GSE1: variants seen among roughly 807,000 people sequenced by gnomAD.
GSE1 encodes Gse1 coiled-coil protein, also known as genetic suppressor element 1.
Under a neutral mutation model 112.6 loss-of-function variants are expected in GSE1, and 32 were observed. The observed-to-expected ratio is 0.28, with a 90% CI of 0.21 to 0.38. GSE1 has a LOEUF of 0.38. GSE1 is among the 10% of genes least tolerant of loss of function. GSE1 has a pLI of 1.00. For missense variants in GSE1, 2,348 were observed against 1,699.2 expected, an observed-to-expected ratio of 1.38 and a Z score of -6.71; for synonymous variants, 1,115 against 735.6, an observed-to-expected ratio of 1.52 and a Z score of -8.35.
chr16:85,477,143 G>A (rs1160931767), intron 2 of GSE1, among the ~76,000 whole-genome samples: 1 of 152,028 alleles, frequency 6.6e-6, no homozygotes, highest in East Asian at 1.9e-4. Context: ...GGCCAGGGTG[G>A]TCGGGTGATC....
rs1209174301 is a variant in GSE1 at position 85,479,095 on chromosome 16, CA to C, written c.2464+121453del. ...GGAGTGCAGTGGCACGATCTCGGCTCATTGCAAACTCTGCCTCCCGGGTTCA... is the reference window on the plus strand; with the variant it reads ...GGAGTGCAGTGGCACGATCTCGGCTCTTGCAAACTCTGCCTCCCGGGTTCA... On this transcript the variant is annotated intron_variant, in intron 2 of 2. Transcript: ENST00000637419. Among the ~76,000 whole-genome samples the C allele has an allele frequency of 2.8e-4, 41 of 145,808 alleles. No individual in the cohort carries two copies. In the South Asian group the frequency reaches 6.4e-3, roughly 23 times the overall value.
chr16:85,382,316 C>A (rs116425990), intron 2 of GSE1, among the ~76,000 whole-genome samples: 4 of 152,328 alleles, frequency 2.6e-5, no homozygotes, highest in South Asian at 4.1e-4. Context: ...GGGGCAGGGA[C>A]GGCCGCCTTG....
intron 2 of GSE1, among the ~76,000 whole-genome samples, chr16:85,507,907 CGT>C (rs1229367091): frequency 3.9e-5 from 6 of 152,254 alleles, no homozygotes; most frequent in Admixed American, 1.3e-4. Flanking sequence ...GCACACGCCT[CGT>C]GTGTTTCTAT....
At chr16:85,461,833 C>T (rs911226116) in intron 2 of GSE1, among the ~76,000 whole-genome samples, 1 of 152,188 alleles carries the variant, frequency 6.6e-6, no homozygotes, top group Non-Finnish European at 1.5e-5. Context: ...TCCTCACCTC[C>T]CCTCCTCCCG....
Position 85,525,289 on chromosome 16 carries a change from A to T in GSE1, c.2465-108625A>T, listed in dbSNP as rs377570046. ...ATGGTGAGGTGACCGCCGGGGGCACAGACAGCCCGTCTCCTGGGATCAACA... is the reference window on the plus strand; with the variant it reads ...ATGGTGAGGTGACCGCCGGGGGCACTGACAGCCCGTCTCCTGGGATCAACA... On this transcript the variant is annotated intron_variant, in intron 2 of 2. Transcript: ENST00000637419. Among the ~76,000 whole-genome samples, 11 of 152,024 alleles carry T rather than the reference A, an allele frequency of 7.2e-5. No homozygotes were observed. In the East Asian group the frequency reaches 1.9e-3, roughly 27 times the overall value.
chr16:85,568,928 C>T (rs2045869639), intron 1 of GSE1, among the ~76,000 whole-genome samples: 1 of 152,184 alleles, frequency 6.6e-6, no homozygotes, highest in South Asian at 2.1e-4. Flanking sequence ...CCTCTACTCC[C>T]CTCTTAGAGC....
chr16:85,517,194 G>A (rs998435341), intron 2 of GSE1, among the ~76,000 whole-genome samples: 1 of 152,020 alleles, frequency 6.6e-6, no homozygotes, highest in African/African-American at 2.4e-5. Context: ...GCAGCCTAGG[G>A]TTCGACAGCA....
chr16:85,284,573 C>T (rs1007662706), intron 1 of GSE1, among the ~76,000 whole-genome samples: 2 of 152,216 alleles, frequency 1.3e-5, no homozygotes, highest in African/African-American at 4.8e-5. Flanking sequence ...GTTGACGATT[C>T]TCGGGAACTC....
At chr16:85,515,614 G>T (rs568435725) in intron 2 of GSE1, among the ~76,000 whole-genome samples, 88 of 151,758 alleles carry the variant, frequency 5.8e-4, no homozygotes, top group Non-Finnish European at 8.8e-4. Context: ...TTTTCTGTGT[G>T]GGGGGAGATC....
At chr16:85,608,528 CGTACCCCTGCA>C, upstream of GSE1, among the ~76,000 whole-genome samples, 1 of 152,192 alleles carries the variant, frequency 6.6e-6, no homozygotes, top group South Asian at 2.1e-4. Flanking sequence ...TGAGACCTGT[CGTACCCCTGCA>C]GGTGTATCTT....
intron 1 of GSE1, among the ~76,000 whole-genome samples, chr16:85,247,452 C>T (rs1894761582): frequency 6.6e-6 from 1 of 152,174 alleles, no homozygotes; most frequent in Non-Finnish European, 1.5e-5. Flanking sequence ...GCAGTGGCTG[C>T]ATGCAGGGAC....
intron 1 of GSE1, among the ~76,000 whole-genome samples, chr16:85,204,037 T>G (rs2075074563): frequency 1.3e-5 from 2 of 152,248 alleles, no homozygotes; most frequent in South Asian, 4.1e-4. Flanking sequence ...CCCAAAGTGC[T>G]GGGATTACAG....
chr16:85,564,424 G>T (rs1404163483), intron 1 of GSE1, among the ~76,000 whole-genome samples: 1 of 152,200 alleles, frequency 6.6e-6, no homozygotes, highest in Non-Finnish European at 1.5e-5. Context: ...GAGTAATCAG[G>T]GTGACAAGTA....
chr16:85,634,846 C>T (rs1260081480), intron 2 of GSE1, among the ~76,000 whole-genome samples: 1 of 152,190 alleles, frequency 6.6e-6, no homozygotes, highest in Non-Finnish European at 1.5e-5. Context: ...TTGGCAGGGG[C>T]TGCTGCTGGC....
chr16:85,370,382 C>T (rs1012083361), intron 2 of GSE1, among the ~76,000 whole-genome samples: 2 of 152,188 alleles, frequency 1.3e-5, no homozygotes, highest in South Asian at 4.1e-4. Flanking sequence ...CACCTCTGGT[C>T]ACTGCTCAAC....
At chr16:85,341,392 T>C (rs1028237234) in intron 1 of GSE1, among the ~76,000 whole-genome samples, 13 of 152,194 alleles carry the variant, frequency 8.5e-5, no homozygotes, top group African/African-American at 3.1e-4. Context: ...GCGTAGTGGC[T>C]TATGACTATA....
intron 2 of GSE1, among the ~76,000 whole-genome samples, chr16:85,641,374 CTG>C (rs1384877173): frequency 3.9e-5 from 6 of 152,208 alleles, no homozygotes; most frequent in Middle Eastern, 3.2e-3. Context: ...GGTTTGATGA[CTG>C]TGGCACGTGA....
exon 1 of GSE1, chr16:85,170,488 A>G (rs2074342083): frequency 2.0e-6 from 2 of 985,716 alleles, no homozygotes; most frequent in Non-Finnish European, 1.2e-6. Flanking sequence ...CTCCGAGGAC[A>G]GTGACATCAA....
chr16:85,627,597 C>T (rs1353840046), intron 1 of GSE1, among the ~76,000 whole-genome samples: 1 of 152,118 alleles, frequency 6.6e-6, no homozygotes, highest in Non-Finnish European at 1.5e-5. Flanking sequence ...CCTGGTCCAC[C>T]TAGACCCCTG....
Sources: allele counts gnomAD v4.1 joint callset (sites outside exome capture counted in the v4.1 genomes callset), GRCh38; gene constraint gnomAD v4.1.1; transcripts MANE v1.5; gene names NCBI Gene and HGNC (gene_info 2026-07-23, HGNC 2026-07-21).